The following STX11 variants were observed in gnomAD, a reference collection of about 807,000 sequenced individuals.
The protein encoded by STX11 is syntaxin 11.
Under a neutral mutation model 19.9 loss-of-function variants are expected in STX11, and 21 were observed. The ratio of observed to expected loss-of-function variants is 1.06; its 90% CI spans 0.75 to 1.52. STX11 has a LOEUF of 1.52. Among genes scored for constraint, STX11 ranks in the 40% most tolerant of loss-of-function variants. The probability of loss-of-function intolerance (pLI) is 0.00; values close to 1 mark genes in which losing one functional copy is unlikely to be tolerated. For synonymous variants in STX11, 193 were observed against 174.4 expected (o/e 1.11, Z -0.84); for missense variants, 438 against 405.9 (o/e 1.08, Z -0.68).
At chr6:144,150,382 T>G, upstream of STX11, 2 of 619,644 alleles carry the variant, frequency 3.2e-6, no homozygotes, top group Non-Finnish European at 4.0e-6. Context: ...CCCGAGCGCA[T>G]GGACTCTGGG....
At chr6:144,140,080 A>AT in the STX11 span, among the ~76,000 whole-genome samples, 1 of 151,448 alleles carries the variant, frequency 6.6e-6, no homozygotes, top group Non-Finnish European at 1.5e-5. Flanking sequence ...AACATCCGTC[A>AT]GCTTCTGCAA....
At position 144,186,704 on chromosome 6, in the gene STX11, T is replaced by C; in HGVS notation, c.77T>C (p.Phe26Ser). ...DQQFPDGDDE[F>S]DSPHEDIVFE... ...CAGTTCCCAGACGGGGACGATGAGT[T>C]TGACTCGCCCCACGAGGACATCGTG... The change falls in exon 2 of 2, where the codon TTT (phenylalanine) becomes TCT (serine). Residue 26 changes from phenylalanine to serine, a missense_variant. Coordinates refer to ENST00000367568, the MANE Select transcript of STX11 (RefSeq NM_003764.4). 6.2e-7 allele frequency: 1 copy of C among 1,614,182 alleles called. No individual in the cohort carries two copies. Among genetic ancestry groups the C allele is most frequent in the South Asian group, 1.1e-5 (1 of 91,082 alleles).
chr6:144,185,827 A>G (rs1251422920), intron 1 of STX11, among the ~76,000 whole-genome samples: 1 of 152,126 alleles, frequency 6.6e-6, no homozygotes, highest in Non-Finnish European at 1.5e-5. Flanking sequence ...TTTTGTTGTC[A>G]TTTTACTTCA....
chr6:144,187,586 C>T lies in STX11; in HGVS notation c.*95C>T. The T allele has an allele frequency of 6.5e-7, 1 of 1,533,936 alleles. No homozygotes were observed. The highest frequency in any genetic ancestry group is 2.3e-5 in the East Asian group (1 of 42,634). On this transcript the variant is annotated 3_prime_UTR_variant, in exon 2 of 2. Transcript: ENST00000367568. This position sits in a 1 kb window ranked among gnomAD's most constrained non-coding sequence, Gnocchi z 5.6. ...GGAGCTCTGCCCTGCAGGGAGTTGCCCCAACCCTTTCCGGAACTCAGTCTT... is the reference window on the plus strand; with the variant it reads ...GGAGCTCTGCCCTGCAGGGAGTTGCTCCAACCCTTTCCGGAACTCAGTCTT...
In STX11 at chr6:144,151,252, A is replaced by G. The variant is rs1445694072; in HGVS notation, c.-6+549A>G. On this transcript the variant is annotated intron_variant, in intron 1 of 1. Coordinates refer to ENST00000367568, the MANE Select transcript of STX11 (RefSeq NM_003764.4). This position sits in a 1 kb window ranked among gnomAD's most constrained non-coding sequence, Gnocchi z 4.6. ...TTGTTTTAGAAACATGGAGAGAAGT[A>G]GTGGCAATGCCTGCGAGAGCCACGC... 2.0e-6 allele frequency: 2 copies of G among 985,282 alleles called. No individual in the cohort carries two copies. The highest frequency in any genetic ancestry group is 6.1e-5 in the Admixed American group (1 of 16,266). 61.0% of individuals were successfully genotyped at this position (985,282 alleles called of 1,614,324 possible).
intron 1 of STX11, among the ~76,000 whole-genome samples, chr6:144,156,574 C>G (rs9321964): frequency 0.099 from 15,002 of 152,074 alleles, 2,157 homozygotes; most frequent in African/African-American, 0.32. Context: ...TTTTATCTTC[C>G]TATGGAAACA....
In STX11 at chr6:144,171,926, A is replaced by G. The variant is rs573371412; in HGVS notation, c.-5-14697A>G. Among the ~76,000 whole-genome samples the G allele has an allele frequency of 6.6e-5, 10 of 152,356 alleles. No homozygotes were observed. In the East Asian group the frequency reaches 1.2e-3, roughly 18 times the overall value. On this transcript the variant is annotated intron_variant, in intron 1 of 1. Transcript: ENST00000367568. ...ATATTAATATATACCTTAAGTCACA[A>G]TTATTGGATAGGTGACATACTTCAT...
rs534184432 is a variant in STX11, at chr6:144,187,356, C to A, written c.729C>A (p.Asn243Lys). 6.2e-7 allele frequency: 1 copy of A among 1,610,356 alleles called. No homozygotes were observed. Among genetic ancestry groups the A allele is most frequent in the Non-Finnish European group, 8.5e-7 (1 of 1,179,966 alleles). ...TGGAGAAGCAGGCCGACACCCTGAACGTCATCGAGCTCAACGTACAAAAGA... is the reference window on the plus strand; with the variant it reads ...TGGAGAAGCAGGCCGACACCCTGAAAGTCATCGAGCTCAACGTACAAAAGA... ...VLVEKQADTLNVIELNVQKTV... is the reference protein window; with the variant it reads ...VLVEKQADTLKVIELNVQKTV... Residue 243 changes from asparagine to lysine, a missense_variant, in exon 2 of 2, where the codon AAC (asparagine) becomes AAA (lysine). Coordinates refer to ENST00000367568, the MANE Select transcript of STX11 (RefSeq NM_003764.4). This position sits in a 1 kb window ranked among gnomAD's most constrained non-coding sequence, Gnocchi z 5.6.
the STX11 span, among the ~76,000 whole-genome samples, chr6:144,143,191 C>T: frequency 6.6e-6 from 1 of 152,086 alleles, no homozygotes; most frequent in Non-Finnish European, 1.5e-5. Flanking sequence ...ATTTATATGG[C>T]ATACAGTCTG....
At chr6:144,163,969 TGTTAA>T (rs1801412864) in intron 1 of STX11, among the ~76,000 whole-genome samples, 1 of 152,216 alleles carries the variant, frequency 6.6e-6, no homozygotes, top group Non-Finnish European at 1.5e-5. Flanking sequence ...AAAAGGTTTA[TGTTAA>T]GTTTTTTTGT....
At position 144,182,263 on chromosome 6, in the gene STX11, G is replaced by A. The variant is rs1262260747; in HGVS notation, c.-5-4360G>A. 1.3e-5 allele frequency among the ~76,000 whole-genome samples: 2 copies of A among 152,142 alleles called. No homozygotes were observed. Among genetic ancestry groups the A allele is most frequent in the African/African-American group, 4.8e-5 (2 of 41,436 alleles). ...TTTAACCTTTTTGGAGACATTCTTAGGAATAGCAGTCTCTTCGTTGACTTT... is the reference window on the plus strand; with the variant it reads ...TTTAACCTTTTTGGAGACATTCTTAAGAATAGCAGTCTCTTCGTTGACTTT... On this transcript the variant is annotated intron_variant, in intron 1 of 1. Coordinates refer to ENST00000367568, the MANE Select transcript of STX11 (RefSeq NM_003764.4). The surrounding 1 kb of genome is among the most constrained non-coding windows in gnomAD (Gnocchi z 4.8).
At chr6:144,186,044 CTTCTTTT>C (rs1386878051) in intron 1 of STX11, among the ~76,000 whole-genome samples, 2 of 143,764 alleles carry the variant, frequency 1.4e-5, no homozygotes, top group Admixed American at 6.8e-5. Flanking sequence ...AGTCTTTCTT[CTTCTTTT>C]TTCTTTTTTT....
At position 144,186,691 on chromosome 6, in the gene STX11, G is replaced by T. The variant is rs375091661; in HGVS notation, c.64G>T (p.Gly22Trp). 5 of 1,614,048 alleles carry T rather than the reference G, an allele frequency of 3.1e-6. No homozygotes were observed. The Admixed American group carries it at 8.3e-5, about 27-fold the overall frequency. Residue 22 changes from glycine to tryptophan, a missense_variant, in exon 2 of 2, where the codon GGG becomes TGG. Gly to Trp is a radical substitution (Grantham distance 184). Coordinates refer to ENST00000367568, the MANE Select transcript of STX11 (RefSeq NM_003764.4). Reference sequence around the variant, plus strand: ...GCAATATGACCAGCAGTTCCCAGACGGGGACGATGAGTTTGACTCGCCCCA... The same window carrying T: ...GCAATATGACCAGCAGTTCCCAGACTGGGACGATGAGTTTGACTCGCCCCA... ...SKQYDQQFPD[G>W]DDEFDSPHED... is the part of the protein sequence containing the mutation.
chr6:144,165,943 T>C lies in STX11; in HGVS notation c.-6+15240T>C, dbSNP rs1801466250. ...ATTGTCTTGCTCAACTTCTCGCAGC[T>C]AGAGATGGAAATGGGAATAAGCCCT... On this transcript the variant is annotated intron_variant, in intron 1 of 1. Transcript: ENST00000367568. This position sits in a 1 kb window ranked among gnomAD's most constrained non-coding sequence, Gnocchi z 5.8. Among the ~76,000 whole-genome samples, 1 of 152,228 alleles carries C rather than the reference T, an allele frequency of 6.6e-6. No individual in the cohort carries two copies. Among genetic ancestry groups the C allele is most frequent in the African/African-American group, 2.4e-5 (1 of 41,456 alleles).
At position 144,151,877 on chromosome 6, in the gene STX11, C is replaced by T. The variant is rs57878660; in HGVS notation, c.-6+1174C>T. Reference sequence around the variant, plus strand: ...AATTTAAAAGTTGAAGCTGACAAGTCCTATTGCGGTGGGTAACAGCCCTTA... The same window carrying T: ...AATTTAAAAGTTGAAGCTGACAAGTTCTATTGCGGTGGGTAACAGCCCTTA... On this transcript the variant is annotated intron_variant, in intron 1 of 1. Transcript: ENST00000367568. This position sits in a 1 kb window ranked among gnomAD's most constrained non-coding sequence, Gnocchi z 4.6. Among the ~76,000 whole-genome samples, 770 of 152,224 alleles carry T rather than the reference C, an allele frequency of 5.1e-3. 7 individuals are homozygous for T. The highest frequency in any genetic ancestry group is 0.018 in the African/African-American group (728 of 41,526).
In STX11 at chr6:144,190,078, G is replaced by A. The variant is rs1802177618; in HGVS notation, c.*2587G>A. ...TTAATTCCTCACGTTTTATATTGGAGAGTTCGGTACAGACTGTCCATTACT... is the reference window on the plus strand; with the variant it reads ...TTAATTCCTCACGTTTTATATTGGAAAGTTCGGTACAGACTGTCCATTACT... On this transcript the variant is annotated 3_prime_UTR_variant, in exon 2 of 2. Transcript: ENST00000367568. Among the ~76,000 whole-genome samples the A allele has an allele frequency of 1.3e-5, 2 of 152,164 alleles. No individual in the cohort carries two copies. The highest frequency in any genetic ancestry group is 4.1e-4 in the South Asian group (2 of 4,822).
Position 144,180,878 on chromosome 6 carries a change from A to G in STX11, c.-5-5745A>G, listed in dbSNP as rs947130985. On this transcript the variant is annotated intron_variant, in intron 1 of 1. Coordinates refer to ENST00000367568, the MANE Select transcript of STX11 (RefSeq NM_003764.4). This position sits in a 1 kb window ranked among gnomAD's most constrained non-coding sequence, Gnocchi z 5.3. ...AATGGCTAGAATATTTAACTAATAGAATATCACCATCCTTCCTTGTTCCCT... is the reference window on the plus strand; with the variant it reads ...AATGGCTAGAATATTTAACTAATAGGATATCACCATCCTTCCTTGTTCCCT... Among the ~76,000 whole-genome samples, 1 of 152,196 alleles carries G rather than the reference A, an allele frequency of 6.6e-6. No individual in the cohort carries two copies. Among genetic ancestry groups the G allele is most frequent in the Non-Finnish European group, 1.5e-5 (1 of 68,030 alleles).
intron 1 of STX11, among the ~76,000 whole-genome samples, chr6:144,166,152 C>A (rs1415053923): frequency 6.6e-6 from 1 of 152,216 alleles, no homozygotes; most frequent in Non-Finnish European, 1.5e-5. Context: ...AAACCTAACA[C>A]AATCTACCAC....
rs1037511621 is a variant in STX11 at position 144,187,867 on chromosome 6, A to G, written c.*376A>G. 11 of 384,332 alleles carry G rather than the reference A, an allele frequency of 2.9e-5. No homozygotes were observed. The Admixed American group carries it at 4.8e-4, about 17-fold the overall frequency. The allele number at this position is 384,332 out of a possible 1,614,324, so 23.8% of individuals were successfully genotyped here. ...GAGGAAGTCAATTGGGCATCTGCTA[A>G]TAGAATGAACTCATGATGGAAACTT... On this transcript the variant is annotated 3_prime_UTR_variant, in exon 2 of 2. Coordinates refer to ENST00000367568, the MANE Select transcript of STX11 (RefSeq NM_003764.4). This position sits in a 1 kb window ranked among gnomAD's most constrained non-coding sequence, Gnocchi z 5.6.
Sources: gnomAD v4.1 joint callset for allele counts (sites outside exome capture counted in the v4.1 genomes callset) on GRCh38, gnomAD v4.1.1 for gene constraint, Gnocchi (gnomAD v3.1) non-coding constraint, MANE v1.5 for transcripts, NCBI Gene and HGNC (gene_info 2026-07-23, HGNC 2026-07-21) for gene names.